The following MAP4K4 variants were observed in gnomAD, a reference collection of about 807,000 sequenced individuals.
MAP4K4 encodes mitogen-activated protein kinase kinase kinase kinase 4.
MAP4K4 carries 38 observed loss-of-function variants against 189.6 expected under a neutral mutation model. That is an observed-to-expected ratio of 0.20 (90% CI 0.15 to 0.26). The LOEUF (loss-of-function observed/expected upper bound fraction) is 0.26. MAP4K4 is among the 10% of genes least tolerant of loss of function. The probability of loss-of-function intolerance (pLI) is 1.00; values close to 1 mark genes in which losing one functional copy is unlikely to be tolerated. For synonymous variants in MAP4K4, 610 were observed against 624.3 expected (o/e 0.98, Z 0.34); for missense variants, 1,054 against 1,726.9 (o/e 0.61, Z 6.91).
chr2:101,866,234 T>C (rs1212716823), intron 18 of MAP4K4, among the ~76,000 whole-genome samples, 194 bp from the exon 19 acceptor site: 2 of 152,194 alleles, frequency 1.3e-5, no homozygotes, highest in Non-Finnish European at 2.9e-5. Context: ...GCATACAAAC[T>C]AAAAATCGAT....
intron 2 of MAP4K4, among the ~76,000 whole-genome samples, chr2:101,784,352 T>A (rs2089552972): frequency 6.6e-6 from 1 of 151,964 alleles, no homozygotes; most frequent in Non-Finnish European, 1.5e-5. Context: ...GCAGGCAGAT[T>A]GCTGTGTTTT....
chr2:101,844,529 C>CT (rs1198346279), intron 12 of MAP4K4, among the ~76,000 whole-genome samples: 1 of 152,200 alleles, frequency 6.6e-6, no homozygotes, highest in Admixed American at 6.5e-5. Flanking sequence ...CTTGTGAAAA[C>CT]TTTAAGGATC....
intron 3 of MAP4K4, among the ~76,000 whole-genome samples, chr2:101,811,279 G>A (rs1242024517): frequency 1.4e-5 from 2 of 141,266 alleles, no homozygotes; most frequent in Non-Finnish European, 3.0e-5. Flanking sequence ...GCTGAGGCAG[G>A]AGAATCACTT....
chr2:101,772,776 G>A (rs1042379607), intron 2 of MAP4K4, among the ~76,000 whole-genome samples: 6 of 152,078 alleles, frequency 3.9e-5, no homozygotes, highest in African/African-American at 9.7e-5. Context: ...ATCTTGCCCC[G>A]CGCCTGGGCA....
chr2:101,893,411 G>A, exon 33 of MAP4K4: 13 of 354,400 alleles, frequency 3.7e-5, no homozygotes, highest in South Asian at 2.8e-4. Context: ...ACCTTTAAAG[G>A]GATTTGAGGT....
rs573531034 is a variant in MAP4K4, at chr2:101,824,971, A to C, written c.307-348A>C. Among the ~76,000 whole-genome samples, 63 of 152,320 alleles carry C rather than the reference A, an allele frequency of 4.1e-4. 1 individual carries two copies. Among genetic ancestry groups the C allele is most frequent in the Middle Eastern group, 6.8e-3 (2 of 294 alleles). On this transcript the variant is annotated intron_variant, in intron 4 of 32. Transcript: ENST00000324219. ...TGTTTTTGAGGTAAAATGAAAAAGA[A>C]TGTTAGGGAATATTTGAGTCAGATA...
chr2:101,879,887 A>G (rs1559317499), intron 27 of MAP4K4, among the ~76,000 whole-genome samples: 1 of 140,462 alleles, frequency 7.1e-6, no homozygotes, highest in Non-Finnish European at 1.5e-5. Flanking sequence ...AGTATTTTGC[A>G]GTTTAGCCAT....
rs138232810 is a variant in MAP4K4 at position 101,781,067 on chromosome 2, C to A, written c.124-9653C>A. On this transcript the variant is annotated intron_variant, in intron 2 of 32. Coordinates refer to ENST00000324219, the Ensembl canonical transcript of MAP4K4. Reference sequence around the variant, plus strand: ...GATAGCTGCTTGCAGAATCTGAAATCTCCATTGTTTTAGATGCTCTGACAT... The same window carrying A: ...GATAGCTGCTTGCAGAATCTGAAATATCCATTGTTTTAGATGCTCTGACAT... 3.2e-3 allele frequency among the ~76,000 whole-genome samples: 493 copies of A among 152,288 alleles called. 3 individuals carry two copies. The highest frequency in any genetic ancestry group is 0.011 in the African/African-American group (450 of 41,544).
At chr2:101,883,202 C>G (rs1482104124) in intron 28 of MAP4K4, among the ~76,000 whole-genome samples, 1 of 152,258 alleles carries the variant, frequency 6.6e-6, no homozygotes, top group Non-Finnish European at 1.5e-5. Context: ...TGCCTGTGCA[C>G]AGCTACTATG....
At chr2:101,867,392 C>A in intron 20 of MAP4K4, 83 bp downstream of exon 20, 2 of 1,029,420 alleles carry the variant, frequency 1.9e-6, no homozygotes, top group Non-Finnish European at 1.5e-6. Context: ...GAGAGGCCTG[C>A]AGTCTTTTCT....
chr2:101,766,247 TG>T lies in MAP4K4; in HGVS notation c.124-24472del, dbSNP rs2078579557. On this transcript the variant is annotated intron_variant, in intron 2 of 32. Coordinates refer to ENST00000324219, the Ensembl canonical transcript of MAP4K4. ...GAAATTACAGAAAAATGAACTGGTC[TG>T]ATTTTTCCTCTTCTTTATGAGTGCT... 3.3e-5 allele frequency among the ~76,000 whole-genome samples: 5 copies of T among 152,234 alleles called. No individual in the cohort carries two copies. The South Asian group carries it at 1.0e-3, about 31-fold the overall frequency.
chr2:101,867,679 C>T, intron 20 of MAP4K4: 1 of 375,608 alleles, frequency 2.7e-6, no homozygotes, highest in South Asian at 6.1e-5. Flanking sequence ...TCTTTCTTGG[C>T]ATTAACCTTT....
intron 2 of MAP4K4, among the ~76,000 whole-genome samples, chr2:101,781,141 A>G (rs557651516): frequency 6.6e-6 from 1 of 152,302 alleles, no homozygotes; most frequent in African/African-American, 2.4e-5. Flanking sequence ...AGCATGTGCT[A>G]ATCCTTTTTT....
chr2:101,727,905 G>C (rs1458751795), intron 2 of MAP4K4, among the ~76,000 whole-genome samples: 1 of 152,182 alleles, frequency 6.6e-6, no homozygotes, highest in Non-Finnish European at 1.5e-5. Context: ...GGAGGCGGAG[G>C]TTGCAGTGAG....
At chr2:101,731,848 T>G (rs2149599673) in intron 2 of MAP4K4, among the ~76,000 whole-genome samples, 1 of 152,288 alleles carries the variant, frequency 6.6e-6, no homozygotes, top group Middle Eastern at 3.4e-3. Flanking sequence ...CTGTTTTTCA[T>G]TCACTCAGGA....
chr2:101,749,319 T>C (rs2067323959), intron 2 of MAP4K4, among the ~76,000 whole-genome samples: 1 of 150,982 alleles, frequency 6.6e-6, no homozygotes, highest in Non-Finnish European at 1.5e-5. Context: ...GAGATATAGA[T>C]CAATGGAACA....
chr2:101,869,633 A>G (rs1350842517), exon 22 of MAP4K4: 1 of 1,609,832 alleles, frequency 6.2e-7, no homozygotes, highest in Non-Finnish European at 8.5e-7. Flanking sequence ...ATCTGACCGC[A>G]CTGGCCAAAG....
At chr2:101,843,525 T>C (rs2096984988) in intron 11 of MAP4K4, among the ~76,000 whole-genome samples, 1 of 152,198 alleles carries the variant, frequency 6.6e-6, no homozygotes, top group South Asian at 2.1e-4. Context: ...GGAGATATGT[T>C]TGCCATGCTG....
intron 2 of MAP4K4, among the ~76,000 whole-genome samples, chr2:101,748,883 A>G (rs865807634): frequency 2.1e-5 from 3 of 144,502 alleles, no homozygotes; most frequent in African/African-American, 5.2e-5. Context: ...ACAGAGAGCC[A>G]AATCATGAGT....
Sources: allele counts gnomAD v4.1 joint callset (sites outside exome capture counted in the v4.1 genomes callset), GRCh38; gene constraint gnomAD v4.1.1; transcripts MANE v1.5; gene names NCBI Gene and HGNC (gene_info 2026-07-23, HGNC 2026-07-21).